LY75: variants seen among roughly 807,000 people sequenced by gnomAD.
LY75 encodes the protein lymphocyte antigen 75, also known as C-type lectin domain family 13 member B.
LY75 carries 185 observed loss-of-function variants against 231.7 expected under a neutral mutation model. The observed-to-expected ratio is 0.80, with a 90% CI of 0.71 to 0.90. LY75 has a LOEUF of 0.90. Among genes scored for constraint, LY75 ranks in the 40% least tolerant of loss-of-function variants. The probability of loss-of-function intolerance (pLI) is 0.00; values close to 1 mark genes in which losing one functional copy is unlikely to be tolerated. For synonymous variants in LY75, 668 were observed against 689.0 expected, an observed-to-expected ratio of 0.97 and a Z score of 0.48; for missense variants, 1,947 against 2,050.2, an observed-to-expected ratio of 0.95 and a Z score of 0.97.
chr2:159,834,885 A>T (rs1189013459), intron 26 of LY75, among the ~76,000 whole-genome samples: 1 of 152,176 alleles, frequency 6.6e-6, no homozygotes, highest in East Asian at 1.9e-4. Context: ...TCTTTCTACC[A>T]CAGACCCACA....
intron 3 of LY75, 50 bp from the exon 4 acceptor site, chr2:159,890,427 C>T (rs1452596659): frequency 6.2e-7 from 1 of 1,605,000 alleles, no homozygotes; most frequent in Admixed American, 1.7e-5. Flanking sequence ...ATAATGTTTT[C>T]TATTACTTAG....
intron 13 of LY75, among the ~76,000 whole-genome samples, chr2:159,866,944 A>G (rs1361935971): frequency 6.6e-6 from 1 of 152,088 alleles, no homozygotes; most frequent in Non-Finnish European, 1.5e-5. Context: ...TCAACTTTCT[A>G]GGCTCCTCAA....
rs371497944 is a variant in LY75 at position 159,853,598 on chromosome 2, T to G, written c.2663+32A>C. On this transcript the variant is annotated intron_variant, in intron 19 of 34. Coordinates refer to ENST00000263636, the MANE Select transcript of LY75 (RefSeq NM_002349.4). ...GGAACTGCTTCTTTTAAGTGATAAC[T>G]TTACAAAGGTAGAATCAATGATGTC... 3.0e-5 allele frequency: 49 copies of G among 1,612,966 alleles called. No individual in the cohort carries two copies. The Middle Eastern group carries it at 6.6e-4, about 22-fold the overall frequency.
chr2:159,814,328 A>G (rs1403740427), intron 31 of LY75, among the ~76,000 whole-genome samples: 1 of 152,202 alleles, frequency 6.6e-6, no homozygotes, highest in Non-Finnish European at 1.5e-5. Context: ...CACAAAGTTA[A>G]ACAGACTTCA....
intron 20 of LY75, among the ~76,000 whole-genome samples, chr2:159,852,831 GATT>G (rs1284559582): frequency 6.6e-6 from 1 of 152,166 alleles, no homozygotes; most frequent in East Asian, 1.9e-4. Flanking sequence ...TGTCTTCTAT[GATT>G]ATTTTTATCA....
intron 32 of LY75, among the ~76,000 whole-genome samples, chr2:159,808,980 T>C (rs1179036397): frequency 6.6e-6 from 1 of 152,272 alleles, no homozygotes; most frequent in Non-Finnish European, 1.5e-5. Context: ...ACCTACATAT[T>C]AGTTTTACAG....
intron 15 of LY75, 96 bp from the exon 16 acceptor site, chr2:159,858,572 C>T (rs1257298837): frequency 3.1e-6 from 4 of 1,310,932 alleles, no homozygotes; most frequent in South Asian, 1.7e-5. Context: ...TCTATTTTAG[C>T]TCTAGCACCT....
At chr2:159,875,858 T>C (rs555883318) in intron 11 of LY75, among the ~76,000 whole-genome samples, 41 of 152,208 alleles carry the variant, frequency 2.7e-4, no homozygotes, top group African/African-American at 9.9e-4. Context: ...ATAACAAACC[T>C]ATGGGGGGAT....
intron 27 of LY75, 92 bp from the exon 28 acceptor site, chr2:159,831,878 A>ATATACT: frequency 2.0e-6 from 2 of 992,744 alleles, no homozygotes; most frequent in Non-Finnish European, 2.9e-6. Context: ...TCTCAGTTTA[A>ATATACT]TATACTTCAA....
At chr2:159,876,019 T>C (rs935791398) in intron 11 of LY75, among the ~76,000 whole-genome samples, 1 of 152,126 alleles carries the variant, frequency 6.6e-6, no homozygotes, top group African/African-American at 2.4e-5. Context: ...GTGGTTCAAA[T>C]TAGCTTAAAA....
chr2:159,865,703 T>C (rs1684837192), intron 13 of LY75, among the ~76,000 whole-genome samples: 1 of 152,144 alleles, frequency 6.6e-6, no homozygotes, highest in South Asian at 2.1e-4. Context: ...AAAGACTTTG[T>C]GAGGTTGGTA....
At position 159,899,159 on chromosome 2, in the gene LY75, T is replaced by C; in HGVS notation, c.95-100A>G. ...GAGCACTACTGGACTGTTCCCATCC[T>C]CAGTCTGTTCCCACTCTTTTTAAGC... On this transcript the variant is annotated intron_variant, in intron 1 of 34. Transcript: ENST00000263636. 4 of 1,516,608 alleles carry C rather than the reference T, an allele frequency of 2.6e-6. No individual in the cohort carries two copies. The South Asian group carries it at 5.1e-5, about 20-fold the overall frequency. The allele number at this position is 1,516,608 out of a possible 1,614,324, so 93.9% of individuals were successfully genotyped here. A position where few individuals can be genotyped will look rare whatever the true frequency, so the allele number is the denominator to read the frequency against.
At chr2:159,823,072 C>T (rs932645893) in intron 28 of LY75, among the ~76,000 whole-genome samples, 5 of 152,054 alleles carry the variant, frequency 3.3e-5, no homozygotes, top group Non-Finnish European at 5.9e-5. Flanking sequence ...CACCAGCTAG[C>T]GAACAAAACT....
At chr2:159,857,388 T>C (rs1418722939) in intron 16 of LY75, among the ~76,000 whole-genome samples, 2 of 152,344 alleles carry the variant, frequency 1.3e-5, no homozygotes, top group East Asian at 1.9e-4. Context: ...TTCAGAGATT[T>C]CTTTAAAAAC....
intron 23 of LY75, among the ~76,000 whole-genome samples, chr2:159,843,925 C>T (rs1458300939): frequency 6.6e-6 from 1 of 152,034 alleles, no homozygotes; most frequent in Non-Finnish European, 1.5e-5. Flanking sequence ...TAAATTGGTA[C>T]AATTATTATG....
chr2:159,878,219 C>T, intron 11 of LY75, 105 bp downstream of exon 11: 3 of 1,443,628 alleles, frequency 2.1e-6, no homozygotes, highest in Non-Finnish European at 2.8e-6. Flanking sequence ...TCCTGAAGAT[C>T]ATCATGTCCC....
intron 7 of LY75, 58 bp downstream of exon 7, chr2:159,882,066 A>G (rs1574588965): frequency 6.5e-7 from 1 of 1,548,700 alleles, no homozygotes; most frequent in South Asian, 1.2e-5. Flanking sequence ...AGAGTCTAAA[A>G]CCAGGGATAC....
At chr2:159,811,446 C>T (rs571736412) in intron 31 of LY75, among the ~76,000 whole-genome samples, 15 of 151,718 alleles carry the variant, frequency 9.9e-5, no homozygotes, top group African/African-American at 2.7e-4. Context: ...TAATTCCAAC[C>T]GAAGAGCATA....
rs750390764 is a variant in LY75, at chr2:159,835,577, C to T, written c.3576G>A (p.Gly1192=). The T allele has an allele frequency of 6.2e-7, 1 of 1,613,818 alleles. No individual in the cohort carries two copies. The highest frequency in any genetic ancestry group is 1.7e-5 in the Admixed American group (1 of 59,972). The stretch of plus-strand genomic sequence containing the variant: ...CTAATACTACACAGTCTTCGAGTTG[C>T]CCATTAGTTTCAGCCCAGCGACTAA... ...LHFSRWAETN[G]QLEDCVVLDT... The change falls in exon 26 of 35, where the codon GGG becomes GGA. Residue 1192 remains glycine, a synonymous_variant. Coordinates refer to ENST00000263636, the MANE Select transcript of LY75 (RefSeq NM_002349.4).
Sources: allele counts gnomAD v4.1 joint callset (sites outside exome capture counted in the v4.1 genomes callset), GRCh38; gene constraint gnomAD v4.1.1; transcripts MANE v1.5; gene names NCBI Gene and HGNC (gene_info 2026-07-23, HGNC 2026-07-21).